The following CTNNA3 variants were observed in gnomAD, a reference collection of about 807,000 sequenced individuals.
CTNNA3 encodes the protein catenin alpha-3.
A neutral mutation model predicts 95.7 loss-of-function variants in CTNNA3; 76 were observed. The observed-to-expected ratio is 0.79, with a 90% CI of 0.66 to 0.96. The LOEUF is 0.96. CTNNA3 is among the 40% of genes least tolerant of loss of function. CTNNA3 has a pLI of 0.00. For synonymous variants in CTNNA3, 431 were observed against 374.4 expected, an observed-to-expected ratio of 1.15 and a Z score of -1.74; for missense variants, 1,191 against 1,089.8, an observed-to-expected ratio of 1.09 and a Z score of -1.31.
At chr10:67,022,810 C>T (rs1379004271) in intron 7 of CTNNA3, among the ~76,000 whole-genome samples, 8 of 151,858 alleles carry the variant, frequency 5.3e-5, no homozygotes, top group African/African-American at 1.5e-4. Context: ...TGGTGGTGCA[C>T]GCCTATAATC....
intron 9 of CTNNA3, among the ~76,000 whole-genome samples, chr10:66,643,960 G>C (rs1356593850): frequency 6.6e-6 from 1 of 152,002 alleles, no homozygotes; most frequent in Non-Finnish European, 1.5e-5. Context: ...CAATATAATG[G>C]TGTGCTGACA....
chr10:67,321,038 G>T (rs931056553), intron 5 of CTNNA3, among the ~76,000 whole-genome samples: 4 of 152,026 alleles, frequency 2.6e-5, no homozygotes, highest in African/African-American at 4.8e-5. Context: ...AACGCTTTTG[G>T]TTCCATTAAA....
At chr10:67,737,030 C>A (rs967618056) in intron 1 of CTNNA3, among the ~76,000 whole-genome samples, 3 of 152,004 alleles carry the variant, frequency 2.0e-5, no homozygotes, top group Non-Finnish European at 1.5e-5. Context: ...ATGGCATGAT[C>A]TCAGCTCACT....
At chr10:66,182,081 A>G (rs1014171704) in intron 13 of CTNNA3, among the ~76,000 whole-genome samples, 5 of 152,204 alleles carry the variant, frequency 3.3e-5, no homozygotes, top group Admixed American at 6.5e-5. Flanking sequence ...TTTGTAAAAC[A>G]CAGGCCAAAT....
intron 10 of CTNNA3, among the ~76,000 whole-genome samples, chr10:66,583,906 T>C (rs150225642): frequency 6.6e-6 from 1 of 152,050 alleles, no homozygotes; most frequent in Non-Finnish European, 1.5e-5. Context: ...TCAAAAATTT[T>C]TTAAATTTCC....
At chr10:67,083,614 C>T (rs1413906715) in intron 7 of CTNNA3, among the ~76,000 whole-genome samples, 1 of 152,126 alleles carries the variant, frequency 6.6e-6, no homozygotes, top group Non-Finnish European at 1.5e-5. Context: ...AGATACTAGA[C>T]AGTGATAGCA....
At chr10:66,112,553 C>G (rs573927634) in intron 13 of CTNNA3, among the ~76,000 whole-genome samples, 1 of 151,950 alleles carries the variant, frequency 6.6e-6, no homozygotes, top group Non-Finnish European at 1.5e-5. Flanking sequence ...AGGTACAATG[C>G]TGTATATATA....
At chr10:67,302,002 CG>C in intron 5 of CTNNA3, among the ~76,000 whole-genome samples, 1 of 55,958 alleles carries the variant, frequency 1.8e-5, no homozygotes, top group Middle Eastern at 6.0e-3. Flanking sequence ...AACGAAAGAA[CG>C]AAAGAAAGAA....
intron 5 of CTNNA3, among the ~76,000 whole-genome samples, chr10:67,260,842 A>C (rs1026327190): frequency 4.0e-5 from 6 of 151,636 alleles, no homozygotes; most frequent in African/African-American, 1.5e-4. Context: ...GTGCCACCAC[A>C]CCCGGCTAAT....
chr10:66,619,478 C>T (rs1464522716), intron 10 of CTNNA3, among the ~76,000 whole-genome samples: 1 of 110,692 alleles, frequency 9.0e-6, no homozygotes, highest in Non-Finnish European at 1.9e-5. Context: ...AAACAAACAC[C>T]GCATTTTCTC....
At chr10:66,218,141 C>T (rs185676079) in intron 13 of CTNNA3, among the ~76,000 whole-genome samples, 1 of 152,272 alleles carries the variant, frequency 6.6e-6, no homozygotes, top group East Asian at 1.9e-4. Flanking sequence ...TAAGCCTGTC[C>T]TACTCACCCT....
At chr10:66,717,067 C>A (rs1396492087) in intron 9 of CTNNA3, among the ~76,000 whole-genome samples, 2 of 151,630 alleles carry the variant, frequency 1.3e-5, no homozygotes, top group African/African-American at 4.8e-5. Flanking sequence ...ACTGAGGTAT[C>A]CCCCATAAGA....
intron 7 of CTNNA3, among the ~76,000 whole-genome samples, chr10:67,168,055 T>C (rs528844038): frequency 1.3e-5 from 2 of 152,244 alleles, no homozygotes; most frequent in Non-Finnish European, 2.9e-5. Flanking sequence ...GAGAATTGCT[T>C]GAACTGGGGG....
chr10:67,372,262 T>A (rs1225562522), intron 5 of CTNNA3, among the ~76,000 whole-genome samples: 1 of 152,236 alleles, frequency 6.6e-6, no homozygotes, highest in East Asian at 1.9e-4. Context: ...TTGGCTTTTG[T>A]TGCCATTGCT....
intron 3 of CTNNA3, among the ~76,000 whole-genome samples, chr10:67,574,091 A>G (rs185002472): frequency 2.8e-4 from 42 of 152,276 alleles, no homozygotes; most frequent in African/African-American, 9.6e-4. Flanking sequence ...CATTAAACAG[A>G]GCAGAAGAGC....
intron 11 of CTNNA3, among the ~76,000 whole-genome samples, chr10:66,382,483 C>G (rs1311433740): frequency 1.3e-5 from 2 of 152,102 alleles, no homozygotes; most frequent in Non-Finnish European, 2.9e-5. Flanking sequence ...CCTCTAGACT[C>G]CATCTCTTGG....
chr10:67,092,330 C>G (rs936761917), intron 7 of CTNNA3, among the ~76,000 whole-genome samples: 2 of 151,916 alleles, frequency 1.3e-5, no homozygotes, highest in African/African-American at 4.8e-5. Flanking sequence ...ACTAAAATCT[C>G]TATTCAGACA....
At chr10:67,373,257 C>T (rs1843553035) in intron 5 of CTNNA3, among the ~76,000 whole-genome samples, 1 of 151,462 alleles carries the variant, frequency 6.6e-6, no homozygotes, top group Non-Finnish European at 1.5e-5. Flanking sequence ...ATGCATAGCT[C>T]AAAATAAAGG....
In CTNNA3 at chr10:67,276,339, T is replaced by C. The variant is rs868813375; in HGVS notation, c.580-56469A>G. 3.3e-5 allele frequency among the ~76,000 whole-genome samples: 5 copies of C among 152,268 alleles called. No homozygotes were observed. The Middle Eastern group carries it at 0.017, about 518-fold the overall frequency. ...TGAAATATAGTCACCAGTCAGAAGT[T>C]GTTGCAGTAGGCTTCAAATAAGTTT... On this transcript the variant is annotated intron_variant, in intron 5 of 17. Transcript: ENST00000433211.
Sources: allele counts gnomAD v4.1 joint callset (sites outside exome capture counted in the v4.1 genomes callset), GRCh38; gene constraint gnomAD v4.1.1; transcripts MANE v1.5; gene names NCBI Gene and HGNC (gene_info 2026-07-23, HGNC 2026-07-21).